CACNB2: variants seen among roughly 807,000 people sequenced by gnomAD.
CACNB2 encodes the protein voltage-dependent L-type calcium channel subunit beta-2.
A neutral mutation model predicts 73.3 loss-of-function variants in CACNB2; 42 were observed. The observed-to-expected ratio is 0.57, with a 90% CI of 0.45 to 0.74. The LOEUF (loss-of-function observed/expected upper bound fraction) is 0.74. CACNB2 is among the 30% of genes least tolerant of loss of function. CACNB2 has a pLI of 0.00. For missense variants in CACNB2, 940 were observed against 853.0 expected (o/e 1.10, Z -1.27); for synonymous variants, 348 against 310.3 (o/e 1.12, Z -1.28).
intron 3 of CACNB2, among the ~76,000 whole-genome samples, chr10:18,453,765 G>A (rs2047130076): frequency 6.6e-6 from 1 of 152,108 alleles, no homozygotes; most frequent in Non-Finnish European, 1.5e-5. Context: ...AAGTAGCTGG[G>A]GTCACAGGCG....
At chr10:18,454,537 C>T (rs751346593) in intron 3 of CACNB2, among the ~76,000 whole-genome samples, 50 of 152,172 alleles carry the variant, frequency 3.3e-4, no homozygotes, top group Non-Finnish European at 6.3e-4. Context: ...CAAACGTTTG[C>T]CCCCTTGGGG....
At chr10:18,522,617 T>C (rs2052016689) in intron 9 of CACNB2, among the ~76,000 whole-genome samples, 2 of 152,078 alleles carry the variant, frequency 1.3e-5, no homozygotes, top group East Asian at 1.9e-4. Flanking sequence ...TGGTGGCTCC[T>C]GCCTGTAATC....
Position 18,511,832 on chromosome 10 carries a change from G to A in CACNB2, c.671-2404G>A, listed in dbSNP as rs189958734. On this transcript the variant is annotated intron_variant, in intron 6 of 13. Transcript: ENST00000324631. ...TGGATGGGCAGTGTGGTATAGGGAC[G>A]GTTACAGACTCATTTAGGTGGGCAC... 2.3e-3 allele frequency among the ~76,000 whole-genome samples: 346 copies of A among 152,238 alleles called. 1 individual carries two copies. The highest frequency in any genetic ancestry group is 7.6e-3 in the African/African-American group (316 of 41,548).
intron 1 of CACNB2, among the ~76,000 whole-genome samples, chr10:18,142,899 A>T (rs953634071): frequency 3.3e-5 from 5 of 152,224 alleles, no homozygotes; most frequent in Admixed American, 3.3e-4. Flanking sequence ...AAGGATAATA[A>T]ACACGCTATT....
rs571930944 is a variant in CACNB2, at chr10:18,402,016, G to A, written c.306G>A (p.Gln102=). The A allele has an allele frequency of 2.6e-5, 42 of 1,614,072 alleles. No homozygotes were observed. The African/African-American group carries it at 4.5e-4, about 17-fold the overall frequency. ...REAVRREAER[Q]AQAQLEKAKT... is the part of the protein sequence containing the mutation. ...CAGTGCGCAGAGAAGCGGAGCGGCA[G>A]GCCCAGGCACAGTTGGAAAAAGCAA... Residue 102 remains glutamine (Q), a synonymous_variant, in exon 3 of 14, where the codon CAG becomes CAA. Coordinates refer to ENST00000324631, the MANE Select transcript of CACNB2 (RefSeq NM_201596.3).
chr10:18,287,705 G>C (rs1336230060), intron 2 of CACNB2, among the ~76,000 whole-genome samples: 1 of 152,112 alleles, frequency 6.6e-6, no homozygotes, highest in Non-Finnish European at 1.5e-5. Context: ...ACAAAAATCG[G>C]CTGGGCACGA....
At chr10:18,510,053 T>C (rs913695638) in intron 6 of CACNB2, among the ~76,000 whole-genome samples, 2 of 152,230 alleles carry the variant, frequency 1.3e-5, no homozygotes, top group African/African-American at 4.8e-5. Flanking sequence ...CTTAACTGCC[T>C]TGGTAAGTTT....
At chr10:18,248,506 A>G (rs1404698622) in intron 2 of CACNB2, among the ~76,000 whole-genome samples, 1 of 152,232 alleles carries the variant, frequency 6.6e-6, no homozygotes, top group African/African-American at 2.4e-5. Context: ...TCATTCTTAT[A>G]GTGTTCTCAA....
intron 2 of CACNB2, among the ~76,000 whole-genome samples, chr10:18,355,760 C>G (rs557204638): frequency 6.6e-6 from 1 of 151,720 alleles, no homozygotes; most frequent in Admixed American, 6.6e-5. Context: ...CTCAGCCTCC[C>G]GAGTAGCTGG....
intron 6 of CACNB2, among the ~76,000 whole-genome samples, chr10:18,512,723 T>C (rs369466505): frequency 9.2e-5 from 14 of 152,276 alleles, no homozygotes; most frequent in Admixed American, 7.8e-4. Flanking sequence ...ACTCCATGCT[T>C]TGGGATTCGG....
intron 2 of CACNB2, among the ~76,000 whole-genome samples, chr10:18,171,022 G>A (rs549132504): frequency 2.0e-5 from 3 of 152,226 alleles, no homozygotes; most frequent in Non-Finnish European, 2.9e-5. Context: ...ATTTGGTACC[G>A]CTGGCTGCAT....
intron 10 of CACNB2, among the ~76,000 whole-genome samples, chr10:18,528,262 T>G (rs892468700): frequency 2.6e-5 from 4 of 152,198 alleles, no homozygotes; most frequent in Non-Finnish European, 5.9e-5. Flanking sequence ...AATATGTTTG[T>G]TTTATTTGTA....
intron 3 of CACNB2, among the ~76,000 whole-genome samples, chr10:18,448,510 A>C (rs1003867157): frequency 5.3e-5 from 8 of 151,696 alleles, no homozygotes; most frequent in African/African-American, 1.7e-4. Context: ...AAGAAAAGAA[A>C]AGAAAGAAAG....
chr10:18,399,388 G>A (rs1396435397), intron 2 of CACNB2, among the ~76,000 whole-genome samples: 2 of 152,114 alleles, frequency 1.3e-5, no homozygotes, highest in African/African-American at 4.8e-5. Context: ...ATAACAATAG[G>A]TGATCTATTA....
chr10:18,231,035 G>T (rs2036205636), intron 2 of CACNB2, among the ~76,000 whole-genome samples: 1 of 152,154 alleles, frequency 6.6e-6, no homozygotes, highest in South Asian at 2.1e-4. Flanking sequence ...GCGTCTCAGT[G>T]TTTTGTGTAT....
At chr10:18,292,211 G>C (rs1022058082) in intron 2 of CACNB2, among the ~76,000 whole-genome samples, 1 of 152,128 alleles carries the variant, frequency 6.6e-6, no homozygotes, top group Non-Finnish European at 1.5e-5. Flanking sequence ...TTGTTGGTGT[G>C]TTCCTTTTTT....
intron 2 of CACNB2, among the ~76,000 whole-genome samples, chr10:18,368,160 T>C (rs80139106): frequency 0.12 from 18,429 of 152,216 alleles, 1,222 homozygotes; most frequent in Middle Eastern, 0.2. Flanking sequence ...TTTCAATCTT[T>C]GGAGTAAGAT....
chr10:18,319,900 G>A (rs1288270318), intron 2 of CACNB2, among the ~76,000 whole-genome samples: 1 of 152,040 alleles, frequency 6.6e-6, no homozygotes, highest in African/African-American at 2.4e-5. Context: ...GAGTCTGGTG[G>A]GACCCAAGAA....
At chr10:18,495,640 TG>T (rs1269850251) in intron 3 of CACNB2, among the ~76,000 whole-genome samples, 1 of 150,738 alleles carries the variant, frequency 6.6e-6, no homozygotes, top group African/African-American at 2.4e-5. Flanking sequence ...CTCAAACTCC[TG>T]GGCTCAAGTG....
Sources: allele counts gnomAD v4.1 joint callset (sites outside exome capture counted in the v4.1 genomes callset), GRCh38; gene constraint gnomAD v4.1.1; transcripts MANE v1.5; gene names NCBI Gene and HGNC (gene_info 2026-07-23, HGNC 2026-07-21).